RBFOX1: variants seen among roughly 807,000 people sequenced by gnomAD.
RBFOX1 encodes RNA binding fox-1 homolog 1, also known as RNA binding protein fox-1 homolog 1.
RBFOX1 carries 8 observed loss-of-function variants against 57.7 expected under a neutral mutation model. The observed-to-expected ratio is 0.14, with a 90% CI of 0.08 to 0.25. The LOEUF is 0.25. Ranked by LOEUF, RBFOX1 falls within the 10% of genes least tolerant of loss-of-function variation. The pLI is 1.00. For missense variants in RBFOX1, 611 were observed against 548.5 expected, an observed-to-expected ratio of 1.11 and a Z score of -1.14; for synonymous variants, 326 against 222.4, an observed-to-expected ratio of 1.47 and a Z score of -4.15.
intron 4 of RBFOX1, among the ~76,000 whole-genome samples, chr16:7,448,450 C>T (rs2098825392): frequency 6.6e-6 from 1 of 152,138 alleles, no homozygotes; most frequent in South Asian, 2.1e-4. Flanking sequence ...TGGCGGCAGG[C>T]AAGAGAGTGT....
At chr16:7,566,005 C>G (rs930080302) in intron 5 of RBFOX1, among the ~76,000 whole-genome samples, 3 of 152,176 alleles carry the variant, frequency 2.0e-5, no homozygotes, top group African/African-American at 7.2e-5. Flanking sequence ...AAAGACTTGC[C>G]GAGCGCCTAC....
intron 2 of RBFOX1, among the ~76,000 whole-genome samples, chr16:6,406,033 C>T (rs1279687213): frequency 6.6e-6 from 1 of 152,166 alleles, no homozygotes; most frequent in Non-Finnish European, 1.5e-5. Flanking sequence ...AACTTGTCTC[C>T]TCTCATTAAC....
chr16:6,810,474 C>A (rs2088209813), intron 3 of RBFOX1, among the ~76,000 whole-genome samples: 1 of 152,102 alleles, frequency 6.6e-6, no homozygotes, highest in African/African-American at 2.4e-5. Context: ...ATTTTCCGTT[C>A]ATGGCACCGT....
At chr16:5,659,214 G>C (rs2049562850) in intron 3 of RBFOX1, among the ~76,000 whole-genome samples, 1 of 151,726 alleles carries the variant, frequency 6.6e-6, no homozygotes, top group Admixed American at 6.6e-5. Context: ...GCAGGCATAA[G>C]GTGGTATTCT....
intron 4 of RBFOX1, among the ~76,000 whole-genome samples, chr16:5,941,080 G>C (rs543035854): frequency 6.6e-6 from 1 of 152,216 alleles, no homozygotes; most frequent in Admixed American, 6.5e-5. Context: ...GGAACACATT[G>C]CCTGGGATAC....
intron 2 of RBFOX1, among the ~76,000 whole-genome samples, chr16:5,556,735 C>G (rs989696813): frequency 3.9e-5 from 6 of 152,156 alleles, no homozygotes; most frequent in African/African-American, 1.4e-4. Flanking sequence ...ACATGAGATG[C>G]ATGACATGTC....
intron 3 of RBFOX1, among the ~76,000 whole-genome samples, chr16:6,972,064 A>G (rs150434964): frequency 1.2e-3 from 182 of 152,280 alleles, no homozygotes; most frequent in African/African-American, 4.2e-3. Context: ...TTTCCTTAAC[A>G]AAGAGATATA....
intron 2 of RBFOX1, among the ~76,000 whole-genome samples, chr16:6,572,709 C>T (rs1361717729): frequency 1.3e-5 from 2 of 152,098 alleles, no homozygotes; most frequent in Non-Finnish European, 2.9e-5. Context: ...TCTCTTGCCT[C>T]AGCCTCCCGA....
At chr16:5,409,427 G>C (rs1219927808) in intron 1 of RBFOX1, among the ~76,000 whole-genome samples, 1 of 152,182 alleles carries the variant, frequency 6.6e-6, no homozygotes, top group Non-Finnish European at 1.5e-5. Flanking sequence ...GTCTCCGGAG[G>C]CTTTTTCCCT....
intron 1 of RBFOX1, among the ~76,000 whole-genome samples, chr16:5,441,271 G>C (rs368845550): frequency 2.6e-5 from 4 of 152,024 alleles, no homozygotes; most frequent in Non-Finnish European, 5.9e-5. Context: ...CAATGGGCCT[G>C]GCTCTGGGGA....
intron 1 of RBFOX1, among the ~76,000 whole-genome samples, chr16:5,362,041 G>GT (rs1231375073): frequency 3.3e-5 from 5 of 152,194 alleles, no homozygotes; most frequent in African/African-American, 1.2e-4. Context: ...CATAAGTTAT[G>GT]TTTTTATTTA....
At chr16:5,679,826 A>G (rs1016802914) in intron 3 of RBFOX1, among the ~76,000 whole-genome samples, 1 of 152,178 alleles carries the variant, frequency 6.6e-6, no homozygotes, top group Non-Finnish European at 1.5e-5. Context: ...TGTCTCCTTT[A>G]TAATTAACTT....
chr16:5,604,023 C>T (rs58601896), downstream of RBFOX1, among the ~76,000 whole-genome samples: 24,033 of 151,914 alleles, frequency 0.16, 2,151 homozygotes, highest in East Asian at 0.31. Flanking sequence ...TGGTGCCATT[C>T]CCCCCTTCTA....
chr16:6,471,487 G>A (rs897120070), intron 2 of RBFOX1, among the ~76,000 whole-genome samples: 4 of 151,904 alleles, frequency 2.6e-5, no homozygotes, highest in Admixed American at 2.6e-4. Flanking sequence ...GAATGCAATG[G>A]GCATTCATGT....
At chr16:7,321,070 T>TA (rs779485893) in intron 4 of RBFOX1, among the ~76,000 whole-genome samples, 6,709 of 78,738 alleles carry the variant, frequency 0.085, 491 homozygotes, top group African/African-American at 0.2. Flanking sequence ...TATCTGTCTA[T>TA]CTATACGTAT....
intron 4 of RBFOX1, among the ~76,000 whole-genome samples, chr16:7,312,328 C>T (rs967992396): frequency 6.6e-6 from 1 of 152,128 alleles, no homozygotes; most frequent in Admixed American, 6.5e-5. Context: ...AGCAGTGAGC[C>T]GAGATCGCGG....
At chr16:6,832,783 C>T (rs144411828) in intron 3 of RBFOX1, among the ~76,000 whole-genome samples, 2,942 of 152,266 alleles carry the variant, frequency 0.019, 86 homozygotes, top group African/African-American at 0.067. Context: ...CAGGCTTGTG[C>T]TCCTAGGTGA....
intron 2 of RBFOX1, among the ~76,000 whole-genome samples, chr16:6,559,433 C>T (rs1179421622): frequency 6.6e-6 from 1 of 152,080 alleles, no homozygotes; most frequent in African/African-American, 2.4e-5. Context: ...CTGAGATCAT[C>T]TCAGCACCAT....
intron 4 of RBFOX1, among the ~76,000 whole-genome samples, chr16:7,425,689 T>C (rs1033475900): frequency 2.0e-5 from 3 of 152,130 alleles, no homozygotes; most frequent in Admixed American, 1.3e-4. Flanking sequence ...ATAGAAGTTA[T>C]CCTACCTGGG....
Sources: gnomAD v4.1 joint callset for allele counts (sites outside exome capture counted in the v4.1 genomes callset) on GRCh38, gnomAD v4.1.1 for gene constraint, MANE v1.5 for transcripts, NCBI Gene and HGNC (gene_info 2026-07-23, HGNC 2026-07-21) for gene names.